The following ME3 variants were observed in gnomAD, a reference collection of about 807,000 sequenced individuals.
ME3 encodes the protein malic enzyme 3, also known as NADP-dependent malic enzyme, mitochondrial.
ME3 carries 48 observed loss-of-function variants against 68.9 expected under a neutral mutation model. The observed-to-expected ratio is 0.70, with a 90% CI of 0.55 to 0.89. The LOEUF (loss-of-function observed/expected upper bound fraction) is 0.89, where lower values mean the gene tolerates loss of function less well. Ranked by LOEUF, ME3 falls within the 40% of genes least tolerant of loss-of-function variation. The pLI is 0.00. For synonymous variants in ME3, 320 were observed against 318.8 expected (o/e 1.00, Z -0.04); for missense variants, 675 against 797.4 (o/e 0.85, Z 1.85).
intron 4 of ME3, among the ~76,000 whole-genome samples, chr11:86,544,976 C>T (rs1010294831): frequency 7.9e-5 from 12 of 152,276 alleles, no homozygotes; most frequent in Non-Finnish European, 1.3e-4. Flanking sequence ...TTATCCACCA[C>T]GATCAAGTCG....
At chr11:86,473,237 G>A (rs531305806) in intron 7 of ME3, among the ~76,000 whole-genome samples, 7 of 152,340 alleles carry the variant, frequency 4.6e-5, no homozygotes, top group South Asian at 4.1e-4. Flanking sequence ...GGCCGTGGTC[G>A]GGAGCATCAA....
chr11:86,529,276 C>G (rs12798729), intron 4 of ME3, among the ~76,000 whole-genome samples: 25,459 of 151,958 alleles, frequency 0.17, 2,326 homozygotes, highest in African/African-American at 0.24. Flanking sequence ...ATAAATTCCT[C>G]GACACATACA....
intron 2 of ME3, among the ~76,000 whole-genome samples, chr11:86,594,468 A>C (rs1959183973): frequency 6.9e-6 from 1 of 145,688 alleles, no homozygotes; most frequent in South Asian, 2.3e-4. Context: ...AGGTGGGTGA[A>C]GCACTTGAGC....
chr11:86,478,293 A>G (rs958203253), intron 7 of ME3, among the ~76,000 whole-genome samples: 12 of 140,378 alleles, frequency 8.5e-5, no homozygotes, highest in South Asian at 2.2e-4. Context: ...TCTTTGCCCA[A>G]TCTCTCCTCT....
chr11:86,625,529 C>T (rs1463383354), intron 2 of ME3, among the ~76,000 whole-genome samples: 4 of 152,148 alleles, frequency 2.6e-5, no homozygotes, highest in African/African-American at 7.2e-5. Flanking sequence ...TGAATCCCAG[C>T]TCTTACAGGT....
At chr11:86,579,134 C>A (rs977156247) in intron 2 of ME3, among the ~76,000 whole-genome samples, 2 of 152,126 alleles carry the variant, frequency 1.3e-5, no homozygotes, top group Admixed American at 6.5e-5. Context: ...ATATATATAG[C>A]CCCTGCCTTC....
At chr11:86,614,409 T>C (rs534335932) in intron 2 of ME3, among the ~76,000 whole-genome samples, 3 of 152,318 alleles carry the variant, frequency 2.0e-5, no homozygotes, top group African/African-American at 7.2e-5. Flanking sequence ...TGGAGTTAAC[T>C]TAAACCCAAA....
intron 2 of ME3, among the ~76,000 whole-genome samples, chr11:86,610,964 A>G (rs1221011153): frequency 6.6e-6 from 1 of 152,220 alleles, no homozygotes; most frequent in Non-Finnish European, 1.5e-5. Flanking sequence ...GGGTCTGGAC[A>G]GTCTCAAACT....
chr11:86,579,903 T>A (rs948565539), intron 2 of ME3, among the ~76,000 whole-genome samples: 1 of 152,192 alleles, frequency 6.6e-6, no homozygotes, highest in African/African-American at 2.4e-5. Flanking sequence ...TTATTAGACT[T>A]ATATTAAAAG....
intron 7 of ME3, among the ~76,000 whole-genome samples, chr11:86,480,364 A>T (rs1170306221): frequency 2.6e-5 from 4 of 152,236 alleles, no homozygotes; most frequent in Non-Finnish European, 5.9e-5. Flanking sequence ...CGGGATAAGT[A>T]TACCCTTTCC....
chr11:86,446,939 A>T, intron 12 of ME3, 126 bp downstream of exon 12: 1 of 1,291,992 alleles, frequency 7.7e-7, no homozygotes, highest in Non-Finnish European at 1.0e-6. Context: ...TGGGCATGTT[A>T]CTTCATCTTT....
chr11:86,448,524 A>G (rs1949451050), intron 10 of ME3, among the ~76,000 whole-genome samples: 1 of 152,192 alleles, frequency 6.6e-6, no homozygotes, highest in African/African-American at 2.4e-5. Flanking sequence ...TTGAGCTGTT[A>G]GGATTATGGC....
chr11:86,534,535 C>A (rs1228940357), intron 4 of ME3, among the ~76,000 whole-genome samples: 1 of 151,998 alleles, frequency 6.6e-6, no homozygotes, highest in African/African-American at 2.4e-5. Context: ...ATTAGTGGGG[C>A]AGGGTGGCGC....
intron 2 of ME3, among the ~76,000 whole-genome samples, chr11:86,564,503 C>T (rs1356118968): frequency 6.9e-6 from 1 of 144,800 alleles, no homozygotes; most frequent in Non-Finnish European, 1.5e-5. Flanking sequence ...TAAGAATAGA[C>T]ATATAGGTAA....
downstream of ME3, among the ~76,000 whole-genome samples, chr11:86,439,026 G>A (rs567671642): frequency 6.6e-6 from 1 of 152,272 alleles, no homozygotes; most frequent in South Asian, 2.1e-4. Flanking sequence ...GCATCAGGTA[G>A]GAGTAAGTCT....
intron 2 of ME3, among the ~76,000 whole-genome samples, chr11:86,669,357 G>A (rs1946774314): frequency 1.3e-5 from 2 of 152,200 alleles, no homozygotes; most frequent in South Asian, 4.1e-4. Flanking sequence ...GATAACACCT[G>A]TATTAGTCTG....
At chr11:86,554,559 A>G (rs998675368) in intron 4 of ME3, among the ~76,000 whole-genome samples, 1 of 152,204 alleles carries the variant, frequency 6.6e-6, no homozygotes, top group Non-Finnish European at 1.5e-5. Flanking sequence ...AGAAATAGAC[A>G]CTGACATTTA....
chr11:86,521,137 C>G (rs1046572064), intron 4 of ME3, among the ~76,000 whole-genome samples: 1 of 152,196 alleles, frequency 6.6e-6, no homozygotes, highest in Admixed American at 6.5e-5. Flanking sequence ...CGCCTGTAAT[C>G]CCAGCACTTT....
rs201429136 is a variant in ME3, at chr11:86,445,667, CTG to C, written c.1554+645_1554+646del. On this transcript the variant is annotated intron_variant, in intron 13 of 14. Transcript: ENST00000543262. ...TACCTGGTAATTTCAGCCACTGTAA[CTG>C]TTATCAATAACCATGAGTGTGAATA... 9.0e-3 allele frequency among the ~76,000 whole-genome samples: 1,367 copies of C among 152,256 alleles called. 72 individuals are homozygous for C. The highest frequency in any genetic ancestry group is 1.6e-3 in the Non-Finnish European group (110 of 68,024).
Sources: gnomAD v4.1 joint callset for allele counts (sites outside exome capture counted in the v4.1 genomes callset) on GRCh38, gnomAD v4.1.1 for gene constraint, MANE v1.5 for transcripts, NCBI Gene and HGNC (gene_info 2026-07-23, HGNC 2026-07-21) for gene names.